Variants in ADAMTSL1 observed in about 807,000 individuals in gnomAD.
The protein encoded by ADAMTSL1 is ADAMTS like 1, also known as ADAMTS-like protein 1.
Under a neutral mutation model 201.8 loss-of-function variants are expected in ADAMTSL1, and 126 were observed. That is an observed-to-expected ratio of 0.62 (90% CI 0.54 to 0.72). The LOEUF is 0.72. Among genes scored for constraint, ADAMTSL1 ranks in the 30% least tolerant of loss-of-function variants. The pLI is 0.00. For missense variants in ADAMTSL1, 2,679 were observed against 2,277.8 expected (o/e 1.18, Z -3.59); for synonymous variants, 1,121 against 903.4 (o/e 1.24, Z -4.32).
At chr9:17,961,373 T>C (rs1268763398) in intron 1 of ADAMTSL1, among the ~76,000 whole-genome samples, 1 of 152,014 alleles carries the variant, frequency 6.6e-6, no homozygotes, top group East Asian at 1.9e-4. Flanking sequence ...CTCCGCCTCC[T>C]GAGTAACTGG....
At chr9:18,181,083 A>G (rs1230766117) in intron 2 of ADAMTSL1, among the ~76,000 whole-genome samples, 1 of 152,218 alleles carries the variant, frequency 6.6e-6, no homozygotes, top group African/African-American at 2.4e-5. Context: ...GGCTAGCCAT[A>G]TGTAGAAAGC....
chr9:18,586,696 T>C (rs1161282705), intron 4 of ADAMTSL1, among the ~76,000 whole-genome samples: 1 of 152,096 alleles, frequency 6.6e-6, no homozygotes, highest in Non-Finnish European at 1.5e-5. Context: ...CTTCAAACTA[T>C]AGTACAGGAC....
In ADAMTSL1 at chr9:18,086,489, C is replaced by G. The variant is rs143171017; in HGVS notation, c.88-77373C>G. Among the ~76,000 whole-genome samples, 23 of 152,084 alleles carry G rather than the reference C, an allele frequency of 1.5e-4. 1 individual carries two copies. The East Asian group carries it at 4.5e-3, about 29-fold the overall frequency. ...TCCTAAATCTGCTTTAAAGTTAGATCAAAATCTCCCTAATGTTGCCTCTTT... is the reference window on the plus strand; with the variant it reads ...TCCTAAATCTGCTTTAAAGTTAGATGAAAATCTCCCTAATGTTGCCTCTTT... On this transcript the variant is annotated intron_variant, in intron 1 of 29. Coordinates refer to the ADAMTSL1 transcript ENST00000680146.
chr9:18,696,312 C>T (rs1831546196), intron 13 of ADAMTSL1, among the ~76,000 whole-genome samples: 1 of 152,214 alleles, frequency 6.6e-6, no homozygotes, highest in East Asian at 1.9e-4. Context: ...CCCGCCCATG[C>T]CAGAATCTTG....
At chr9:18,391,629 T>G (rs956738345) in intron 2 of ADAMTSL1, among the ~76,000 whole-genome samples, 1 of 152,202 alleles carries the variant, frequency 6.6e-6, no homozygotes, top group East Asian at 1.9e-4. Context: ...ATGATTCTCA[T>G]GCTGAATATT....
chr9:18,122,254 C>T (rs1360416), intron 1 of ADAMTSL1, among the ~76,000 whole-genome samples: 73,656 of 151,672 alleles, frequency 0.49, 17,746 homozygotes, highest in East Asian at 0.56. Context: ...AGTTAAAAAG[C>T]AGAAACAACC....
intron 3 of ADAMTSL1, among the ~76,000 whole-genome samples, chr9:18,548,880 A>G (rs894968500): frequency 1.3e-5 from 2 of 152,026 alleles, no homozygotes; most frequent in African/African-American, 4.8e-5. Context: ...TTATCCATAG[A>G]TAGGATAAAT....
chr9:18,299,103 G>A (rs1003369970), intron 2 of ADAMTSL1, among the ~76,000 whole-genome samples: 1 of 152,010 alleles, frequency 6.6e-6, no homozygotes, highest in Non-Finnish European at 1.5e-5. Context: ...TAATAGCTGT[G>A]TGACATAAGT....
intron 4 of ADAMTSL1, among the ~76,000 whole-genome samples, chr9:18,575,957 C>G (rs886926410): frequency 3.9e-5 from 6 of 152,162 alleles, no homozygotes; most frequent in South Asian, 2.1e-4. Context: ...ATCCTGCCAG[C>G]AGGCCTCATG....
rs145291146 is a variant in ADAMTSL1 at position 18,403,485 on chromosome 9, T to C, written c.208-101344T>C. On this transcript the variant is annotated intron_variant, in intron 2 of 29. Transcript: ENST00000680146. ...AGGCATAAGCCACTGTGCCTGGCCC[T>C]TCCCCATTTAATTTTAAGTTAGCTC... 3.3e-3 allele frequency among the ~76,000 whole-genome samples: 500 copies of C among 152,232 alleles called. 1 individual carries two copies. Among genetic ancestry groups the C allele is most frequent in the African/African-American group, 0.012 (482 of 41,550 alleles).
chr9:18,291,524 C>G (rs1453488072), intron 2 of ADAMTSL1, among the ~76,000 whole-genome samples: 1 of 152,078 alleles, frequency 6.6e-6, no homozygotes, highest in East Asian at 1.9e-4. Context: ...TACTTTAGCC[C>G]CAAGGTGATT....
intron 1 of ADAMTSL1, among the ~76,000 whole-genome samples, chr9:18,127,372 G>A (rs114037056): frequency 0.021 from 3,127 of 152,112 alleles, 112 homozygotes; most frequent in African/African-American, 0.072. Context: ...ATGGGTGTGG[G>A]CATACGTGAA....
chr9:18,080,270 T>C (rs1368662682), intron 1 of ADAMTSL1, among the ~76,000 whole-genome samples: 1 of 151,844 alleles, frequency 6.6e-6, no homozygotes, highest in Non-Finnish European at 1.5e-5. Flanking sequence ...AAGGTAGAGA[T>C]ATAAGGTAAG....
chr9:18,573,061 A>T lies in ADAMTSL1; in HGVS notation c.238-969A>T, dbSNP rs536095808. Among the ~76,000 whole-genome samples, 26 of 152,286 alleles carry T rather than the reference A, an allele frequency of 1.7e-4. 1 individual carries two copies. The highest frequency in any genetic ancestry group is 6.8e-3 in the Middle Eastern group (2 of 294). ...TATTCATTAGATAATGGCCATTGTT[A>T]GCCATAGTTTTACATTTTAAATTGC... On this transcript the variant is annotated intron_variant, in intron 3 of 28. Transcript: ENST00000380548.
At chr9:18,310,401 T>TAAAAAAAAAAAA (rs1834098083) in intron 2 of ADAMTSL1, among the ~76,000 whole-genome samples, 2 of 39,906 alleles carry the variant, frequency 5.0e-5, no homozygotes, top group African/African-American at 1.5e-4. Context: ...AAAAAAAAAC[T>TAAAAAAAAAAAA]ATCTTCAGAG....
At chr9:18,130,829 C>G (rs1825920288) in intron 1 of ADAMTSL1, among the ~76,000 whole-genome samples, 1 of 152,116 alleles carries the variant, frequency 6.6e-6, no homozygotes, top group South Asian at 2.1e-4. Context: ...AGAACATGAG[C>G]AGACACAGCA....
intron 23 of ADAMTSL1, among the ~76,000 whole-genome samples, chr9:18,860,270 T>C (rs1003783235): frequency 6.6e-6 from 1 of 152,248 alleles, no homozygotes. Context: ...GTGGTTTTAC[T>C]AGGCCATTTG....
intron 2 of ADAMTSL1, among the ~76,000 whole-genome samples, chr9:18,345,263 T>C (rs1185911132): frequency 1.3e-5 from 2 of 152,184 alleles, no homozygotes; most frequent in African/African-American, 4.8e-5. Context: ...CCAATGCTCA[T>C]TTAATTGTAC....
chr9:18,649,389 G>A lies in ADAMTSL1; in HGVS notation c.835-8250G>A, dbSNP rs535161729. Among the ~76,000 whole-genome samples, 302 of 152,232 alleles carry A rather than the reference G, an allele frequency of 2.0e-3. 6 individuals carry two copies. The East Asian group carries it at 0.031, about 16-fold the overall frequency. The stretch of plus-strand genomic sequence containing the variant: ...GTCTGAAGCCTTCTTCTCTCAACTC[G>A]TCAAAGTCATTCTCTGTCCAGCTTT... On this transcript the variant is annotated intron_variant, in intron 7 of 28. Transcript: ENST00000380548.
Sources: gnomAD v4.1 joint callset for allele counts (sites outside exome capture counted in the v4.1 genomes callset) on GRCh38, gnomAD v4.1.1 for gene constraint, MANE v1.5 for transcripts, NCBI Gene and HGNC (gene_info 2026-07-23, HGNC 2026-07-21) for gene names.